The following RASSF3 variants were observed in gnomAD, a reference collection of about 807,000 sequenced individuals.
RASSF3 encodes the protein Ras association domain family member 3, also known as ras association domain-containing protein 3.
Under a neutral mutation model 19.9 loss-of-function variants are expected in RASSF3, and 19 were observed. The ratio of observed to expected loss-of-function variants is 0.96; its 90% CI spans 0.67 to 1.40. RASSF3 has a LOEUF of 1.40. Among genes scored for constraint, RASSF3 ranks in the 40% most tolerant of loss-of-function variants. The pLI is 0.00. For synonymous variants in RASSF3, 110 were observed against 104.2 expected, an observed-to-expected ratio of 1.06 and a Z score of -0.34; for missense variants, 306 against 289.8, an observed-to-expected ratio of 1.06 and a Z score of -0.41.
chr12:64,602,116 GAAAAA>G (rs113855938), intron 2 of RASSF3, among the ~76,000 whole-genome samples: 1 of 120,300 alleles, frequency 8.3e-6, no homozygotes, highest in African/African-American at 3.0e-5. Context: ...CTTCGTCTCA[GAAAAA>G]AAAAAAAAAA....
At chr12:64,647,994 G>C (rs1198610783) in intron 1 of RASSF3, among the ~76,000 whole-genome samples, 2 of 152,264 alleles carry the variant, frequency 1.3e-5, no homozygotes, top group African/African-American at 4.8e-5. Flanking sequence ...ACAGAGGACA[G>C]GTCCTGAGGA....
intron 2 of RASSF3, among the ~76,000 whole-genome samples, chr12:64,575,173 T>C (rs911847995): frequency 1.6e-4 from 24 of 152,368 alleles, no homozygotes; most frequent in African/African-American, 5.5e-4. Context: ...GAATTTTATC[T>C]AGGTCACTGA....
At chr12:64,548,480 G>A (rs1188461860) in intron 2 of RASSF3, among the ~76,000 whole-genome samples, 2 of 152,198 alleles carry the variant, frequency 1.3e-5, no homozygotes, top group African/African-American at 4.8e-5. Flanking sequence ...ATGAGCCACA[G>A]CACCTGGCCA....
intron 2 of RASSF3, among the ~76,000 whole-genome samples, chr12:64,587,776 G>A (rs970679908): frequency 6.6e-6 from 1 of 152,110 alleles, no homozygotes; most frequent in Non-Finnish European, 1.5e-5. Context: ...ACCACTTCCA[G>A]CGAGTAACTG....
chr12:64,635,891 G>A lies in RASSF3; in HGVS notation c.111+25148G>A, dbSNP rs75778034. On this transcript the variant is annotated intron_variant, in intron 1 of 4. Transcript: ENST00000542104. Reference sequence around the variant, plus strand: ...TTGAAGTCAAATAGTAGAAGGTGAGGATAGAGAGGGGGATGGGAACCAGAT... The same window carrying A: ...TTGAAGTCAAATAGTAGAAGGTGAGAATAGAGAGGGGGATGGGAACCAGAT... Among the ~76,000 whole-genome samples the A allele has an allele frequency of 4.3e-3, 649 of 152,220 alleles. 3 individuals are homozygous for A. The highest frequency in any genetic ancestry group is 0.015 in the African/African-American group (607 of 41,524).
upstream of RASSF3, among the ~76,000 whole-genome samples, chr12:64,608,018 C>T (rs1870223529): frequency 6.6e-6 from 1 of 152,082 alleles, no homozygotes; most frequent in Admixed American, 6.6e-5. Flanking sequence ...ATCCTCCCAC[C>T]TCGGCCTTCC....
chr12:64,583,110 C>T (rs542148228), intron 2 of RASSF3, among the ~76,000 whole-genome samples: 1 of 152,268 alleles, frequency 6.6e-6, no homozygotes, highest in East Asian at 1.9e-4. Context: ...CCACTTTCTA[C>T]TCAAGGCAAT....
At chr12:64,621,114 T>G (rs35947911) in intron 1 of RASSF3, among the ~76,000 whole-genome samples, 16,900 of 151,982 alleles carry the variant, frequency 0.11, 1,261 homozygotes, top group South Asian at 0.23. Flanking sequence ...TTTTGTATTT[T>G]TAGTAGAGAT....
chr12:64,608,441 C>T (rs756621705), upstream of RASSF3, among the ~76,000 whole-genome samples: 42 of 152,132 alleles, frequency 2.8e-4, no homozygotes, highest in Non-Finnish European at 5.0e-4. Context: ...CCTGCCTCAG[C>T]CTCCCGAGTA....
Position 64,567,451 on chromosome 12 carries a change from G to A in RASSF3, c.294+25746G>A, listed in dbSNP as rs942962841. Among the ~76,000 whole-genome samples the A allele has an allele frequency of 2.0e-5, 3 of 152,172 alleles. No individual in the cohort carries two copies. In the East Asian group the frequency reaches 5.8e-4, roughly 29 times the overall value. On this transcript the variant is annotated intron_variant, in intron 2 of 5. Coordinates refer to the RASSF3 transcript ENST00000637125. Reference sequence around the variant, plus strand: ...GTAACTGTGTTCCAGCCAATGAAATGTGAGTGGAAATGCTGCTGGCCACTC... The same window carrying A: ...GTAACTGTGTTCCAGCCAATGAAATATGAGTGGAAATGCTGCTGGCCACTC...
intron 1 of RASSF3, among the ~76,000 whole-genome samples, chr12:64,672,645 A>G (rs1462178683): frequency 6.6e-6 from 1 of 152,024 alleles, no homozygotes; most frequent in Non-Finnish European, 1.5e-5. Flanking sequence ...AGTAGCTGGA[A>G]CCACAGGTGC....
At chr12:64,624,763 A>T (rs971165473) in intron 1 of RASSF3, among the ~76,000 whole-genome samples, 1 of 151,796 alleles carries the variant, frequency 6.6e-6, no homozygotes, top group Non-Finnish European at 1.5e-5. Context: ...GGGTTATGCC[A>T]TTCTCCTGCC....
At chr12:64,678,544 T>A (rs186539724) in intron 1 of RASSF3, among the ~76,000 whole-genome samples, 1 of 150,566 alleles carries the variant, frequency 6.6e-6, no homozygotes, top group East Asian at 2.0e-4. Flanking sequence ...GCATATATTG[T>A]CCCCCACTCA....
intron 2 of RASSF3, among the ~76,000 whole-genome samples, chr12:64,569,784 G>A (rs1429143883): frequency 3.9e-5 from 6 of 152,192 alleles, no homozygotes; most frequent in Admixed American, 3.3e-4. Flanking sequence ...TGACCAACAT[G>A]AAGAAACCTT....
intron 1 of RASSF3, among the ~76,000 whole-genome samples, chr12:64,674,773 G>A (rs1357930007): frequency 1.3e-5 from 2 of 152,092 alleles, no homozygotes; most frequent in Admixed American, 6.6e-5. Context: ...GGCCTTGAAC[G>A]CAGGTGAGGA....
At chr12:64,610,972 G>A (rs1870335119) in intron 1 of RASSF3, among the ~76,000 whole-genome samples, 1 of 152,166 alleles carries the variant, frequency 6.6e-6, no homozygotes. Flanking sequence ...CTGAGGGCCG[G>A]CTTCTGCCTT....
At chr12:64,508,887 AAAAAAC>A (rs902495543) in intron 1 of RASSF3, among the ~76,000 whole-genome samples, 28 of 152,146 alleles carry the variant, frequency 1.8e-4, no homozygotes, top group African/African-American at 3.6e-4. Flanking sequence ...ACTCCGTCTC[AAAAAAC>A]AAAAACAAAA....
chr12:64,678,484 G>C (rs1006539798), intron 1 of RASSF3, among the ~76,000 whole-genome samples: 1 of 152,184 alleles, frequency 6.6e-6, no homozygotes, highest in Admixed American at 6.5e-5. Flanking sequence ...CCTAGTGGCA[G>C]TGTGATGGTA....
chr12:64,513,252 C>G (rs898008103), intron 1 of RASSF3, among the ~76,000 whole-genome samples: 1 of 151,940 alleles, frequency 6.6e-6, no homozygotes, highest in South Asian at 2.1e-4. Flanking sequence ...CGAGACCAGC[C>G]TGGCTAACAT....
Sources: allele counts gnomAD v4.1 joint callset (sites outside exome capture counted in the v4.1 genomes callset), GRCh38; gene constraint gnomAD v4.1.1; transcripts MANE v1.5; gene names NCBI Gene and HGNC (gene_info 2026-07-23, HGNC 2026-07-21).